The following RAP1GDS1 variants were observed in gnomAD, a reference collection of about 807,000 sequenced individuals.
RAP1GDS1 encodes Rap1 GTPase-GDP dissociation stimulator 1, also known as RAP1, GTP-GDP dissociation stimulator 1.
Under a neutral mutation model 71.1 loss-of-function variants are expected in RAP1GDS1, and 35 were observed. The ratio of observed to expected loss-of-function variants is 0.49; its 90% confidence interval spans 0.38 to 0.65. The LOEUF (loss-of-function observed/expected upper bound fraction) is 0.65, where lower values mean the gene tolerates loss of function less well. Among genes scored for constraint, RAP1GDS1 ranks in the 30% least tolerant of loss-of-function variants. The probability of loss-of-function intolerance (pLI) is 0.00; values close to 1 mark genes in which losing one functional copy is unlikely to be tolerated. For missense variants in RAP1GDS1, 663 were observed against 706.1 expected, an observed-to-expected ratio of 0.94 and a Z score of 0.69; for synonymous variants, 229 against 243.1, an observed-to-expected ratio of 0.94 and a Z score of 0.54.
intron 5 of RAP1GDS1, among the ~76,000 whole-genome samples, chr4:98,381,562 T>TAAGTC (rs934063137): frequency 6.6e-6 from 1 of 151,622 alleles, no homozygotes; most frequent in African/African-American, 2.4e-5. Context: ...TGTACCTAGA[T>TAAGTC]AAGTCCCTGA....
intron 1 of RAP1GDS1, among the ~76,000 whole-genome samples, chr4:98,264,403 A>AAT (rs939667423): frequency 1.3e-4 from 19 of 151,682 alleles, no homozygotes; most frequent in Admixed American, 3.3e-4. Context: ...TCTCAAAAAA[A>AAT]ATATATATAT....
chr4:98,410,790 AG>A (rs148855006), intron 7 of RAP1GDS1, among the ~76,000 whole-genome samples: 21,266 of 152,146 alleles, frequency 0.14, 2,138 homozygotes, highest in African/African-American at 0.28. Flanking sequence ...AAAAACAAAA[AG>A]TAAAACTAAA....
At chr4:98,399,402 G>A (rs1745027743) in intron 6 of RAP1GDS1, among the ~76,000 whole-genome samples, 1 of 152,086 alleles carries the variant, frequency 6.6e-6, no homozygotes, top group African/African-American at 2.4e-5. Flanking sequence ...AGAGTGCAGT[G>A]GCCACCTTAG....
chr4:98,392,708 A>AAAAAG (rs1408964689), intron 6 of RAP1GDS1, among the ~76,000 whole-genome samples: 6 of 152,212 alleles, frequency 3.9e-5, no homozygotes, highest in African/African-American at 1.2e-4. Flanking sequence ...CTCAAGAAAA[A>AAAAAG]AAAAGAAATT....
chr4:98,332,235 A>G (rs764410077), intron 2 of RAP1GDS1, among the ~76,000 whole-genome samples: 32 of 152,244 alleles, frequency 2.1e-4, no homozygotes, highest in Non-Finnish European at 3.8e-4. Flanking sequence ...TTATAGAGGA[A>G]TGTAAACAAT....
intron 5 of RAP1GDS1, among the ~76,000 whole-genome samples, chr4:98,382,564 A>G (rs905666407): frequency 1.3e-4 from 19 of 151,548 alleles, no homozygotes; most frequent in African/African-American, 4.1e-4. Context: ...CAAACCTTTA[A>G]TTGTAGGTAT....
chr4:98,353,378 C>G (rs765047556), intron 4 of RAP1GDS1, among the ~76,000 whole-genome samples: 1 of 152,076 alleles, frequency 6.6e-6, no homozygotes, highest in Non-Finnish European at 1.5e-5. Flanking sequence ...ACTTTTAGTG[C>G]TTATTTTCCC....
chr4:98,324,950 A>C (rs1432669971), intron 2 of RAP1GDS1, among the ~76,000 whole-genome samples: 71 of 151,918 alleles, frequency 4.7e-4, no homozygotes, highest in Admixed American at 1.2e-3. Context: ...GAGCTTCTGC[A>C]CAGCAAAAGA....
intron 4 of RAP1GDS1, among the ~76,000 whole-genome samples, chr4:98,375,127 C>T (rs573214721): frequency 5.3e-5 from 8 of 152,180 alleles, no homozygotes; most frequent in African/African-American, 1.7e-4. Flanking sequence ...TCAAGGTGCT[C>T]ACCAGGGCAT....
intron 2 of RAP1GDS1, among the ~76,000 whole-genome samples, chr4:98,294,771 A>G (rs934558474): frequency 6.6e-6 from 1 of 152,132 alleles, no homozygotes; most frequent in Non-Finnish European, 1.5e-5. Context: ...GAAAATTCTT[A>G]TGGATAGCAC....
At chr4:98,402,351 G>A (rs1380084041) in intron 6 of RAP1GDS1, among the ~76,000 whole-genome samples, 1 of 152,132 alleles carries the variant, frequency 6.6e-6, no homozygotes, top group African/African-American at 2.4e-5. Context: ...GGATTGCAGG[G>A]ATGAGCCACC....
chr4:98,395,300 A>G (rs981192530), intron 6 of RAP1GDS1, among the ~76,000 whole-genome samples: 6 of 152,230 alleles, frequency 3.9e-5, no homozygotes, highest in Non-Finnish European at 8.8e-5. Flanking sequence ...TTTAAAAGTC[A>G]TTAGGCAATT....
At chr4:98,308,297 C>CACTATATA (rs1239038228) in intron 2 of RAP1GDS1, among the ~76,000 whole-genome samples, 3 of 73,202 alleles carry the variant, frequency 4.1e-5, no homozygotes, top group Non-Finnish European at 5.1e-5. Context: ...CACACACACA[C>CACTATATA]TATATATATA....
chr4:98,262,022 C>T (rs1275090067), intron 1 of RAP1GDS1, among the ~76,000 whole-genome samples: 1 of 152,234 alleles, frequency 6.6e-6, no homozygotes. Context: ...GACCTTTCCC[C>T]GTCGTGGAGA....
rs115418693 is a variant in RAP1GDS1 at position 98,370,536 on chromosome 4, C to G, written c.362-8481C>G. 7.4e-3 allele frequency among the ~76,000 whole-genome samples: 1,117 copies of G among 151,076 alleles called. 14 individuals are homozygous for G. The highest frequency in any genetic ancestry group is 0.026 in the African/African-American group (1,057 of 41,184). On this transcript the variant is annotated intron_variant, in intron 4 of 14. Transcript: ENST00000408927. Reference sequence around the variant, plus strand: ...GAGGTATATTCTCTTCTCTATGCTTCTGTAACACACCATAAAAAAATTGCA... The same window carrying G: ...GAGGTATATTCTCTTCTCTATGCTTGTGTAACACACCATAAAAAAATTGCA...
chr4:98,430,013 T>C (rs138796589), intron 12 of RAP1GDS1, among the ~76,000 whole-genome samples: 1 of 152,278 alleles, frequency 6.6e-6, no homozygotes, highest in African/African-American at 2.4e-5. Flanking sequence ...ACTTAAATGC[T>C]ATAATATTTA....
At chr4:98,320,560 G>A (rs547679234) in intron 2 of RAP1GDS1, among the ~76,000 whole-genome samples, 1,639 of 152,074 alleles carry the variant, frequency 0.011, 15 homozygotes, top group African/African-American at 0.037. Context: ...CTCCCAGCAC[G>A]CAGCTGGAGA....
At chr4:98,286,552 G>A (rs1224140971) in intron 1 of RAP1GDS1, among the ~76,000 whole-genome samples, 4 of 152,058 alleles carry the variant, frequency 2.6e-5, no homozygotes, top group Non-Finnish European at 5.9e-5. Context: ...AGACTAGAGT[G>A]TTTCTATTTC....
intron 2 of RAP1GDS1, among the ~76,000 whole-genome samples, chr4:98,321,794 G>T (rs1162170241): frequency 7.5e-6 from 1 of 132,754 alleles, no homozygotes; most frequent in Non-Finnish European, 1.6e-5. Flanking sequence ...AGGAACAACC[G>T]GTACCACCCG....
Sources: allele counts gnomAD v4.1 joint callset (sites outside exome capture counted in the v4.1 genomes callset), GRCh38; gene constraint gnomAD v4.1.1; transcripts MANE v1.5; gene names NCBI Gene and HGNC (gene_info 2026-07-23, HGNC 2026-07-21).